HEMK2: variants seen among roughly 807,000 people sequenced by gnomAD.
The protein encoded by HEMK2 is methyltransferase HEMK2.
At chr21:28,715,961 C>A in the HEMK2 span, among the ~76,000 whole-genome samples, 1 of 152,164 alleles carries the variant, frequency 6.6e-6, no homozygotes, top group East Asian at 1.9e-4. Context: ...ACGCAGGAGG[C>A]TTTATTTCTG....
chr21:28,720,378 C>A, the HEMK2 span, among the ~76,000 whole-genome samples: 4 of 152,132 alleles, frequency 2.6e-5, no homozygotes, highest in Non-Finnish European at 4.4e-5. Flanking sequence ...ATCAACTGAA[C>A]TGCATCACAT....
the HEMK2 span, among the ~76,000 whole-genome samples, chr21:28,697,160 C>T: frequency 6.6e-6 from 1 of 152,182 alleles, no homozygotes; most frequent in Admixed American, 6.5e-5. Flanking sequence ...GCTTGAATTT[C>T]TCCCCCAGAA....
chr21:28,754,219 T>C, the HEMK2 span, among the ~76,000 whole-genome samples: 463 of 152,258 alleles, frequency 3.0e-3, 1 homozygote, highest in African/African-American at 0.011. Context: ...AAGAGAAGAA[T>C]GGAAGTGAAG....
chr21:28,815,250 G>A, the HEMK2 span, among the ~76,000 whole-genome samples: 30 of 139,850 alleles, frequency 2.1e-4, no homozygotes, highest in Non-Finnish European at 3.7e-4. Flanking sequence ...GGAGGGGGAA[G>A]GGATAGCATT....
chr21:28,619,491 G>A, the HEMK2 span, among the ~76,000 whole-genome samples: 281 of 152,292 alleles, frequency 1.8e-3, 4 homozygotes, highest in African/African-American at 6.4e-3. Flanking sequence ...TATAAAAGAT[G>A]ACATTTGTGA....
chr21:28,617,025 T>C, the HEMK2 span, among the ~76,000 whole-genome samples: 1 of 152,108 alleles, frequency 6.6e-6, no homozygotes, highest in Non-Finnish European at 1.5e-5. Flanking sequence ...AGACAATTAG[T>C]TGGTAAGGGA....
chr21:28,672,210 G>A, the HEMK2 span, among the ~76,000 whole-genome samples: 4 of 152,144 alleles, frequency 2.6e-5, no homozygotes, highest in South Asian at 6.2e-4. Flanking sequence ...CCTTTGCTGA[G>A]TCCTGTCCTC....
chr21:28,796,429 G>A, the HEMK2 span, among the ~76,000 whole-genome samples: 1 of 151,890 alleles, frequency 6.6e-6, no homozygotes, highest in African/African-American at 2.4e-5. Flanking sequence ...CGTGAGCCAC[G>A]ACACCCAGCC....
At chr21:28,661,075 C>T in the HEMK2 span, among the ~76,000 whole-genome samples, 2 of 152,056 alleles carry the variant, frequency 1.3e-5, no homozygotes, top group Non-Finnish European at 2.9e-5. Context: ...TGGTTATTTA[C>T]TGACATTATT....
chr21:28,682,293 A>G, the HEMK2 span, among the ~76,000 whole-genome samples: 1 of 152,240 alleles, frequency 6.6e-6, no homozygotes, highest in Non-Finnish European at 1.5e-5. Flanking sequence ...CAAAAGACAC[A>G]TGAAAAAATG....
At chr21:28,817,133 A>G in the HEMK2 span, among the ~76,000 whole-genome samples, 2 of 152,238 alleles carry the variant, frequency 1.3e-5, no homozygotes, top group Non-Finnish European at 2.9e-5. Context: ...GTCTGTAATC[A>G]CAACAGCAAC....
the HEMK2 span, among the ~76,000 whole-genome samples, chr21:28,865,763 T>G: frequency 6.7e-6 from 1 of 149,648 alleles, no homozygotes; most frequent in African/African-American, 2.5e-5. Flanking sequence ...TGAATCCCAT[T>G]CTCCTTTCTA....
At chr21:28,782,155 G>A in the HEMK2 span, among the ~76,000 whole-genome samples, 1 of 152,124 alleles carries the variant, frequency 6.6e-6, no homozygotes, top group Non-Finnish European at 1.5e-5. Context: ...CTTAATCTTT[G>A]CAGTGTGTTC....
At chr21:28,743,335 T>A in the HEMK2 span, 1 of 152,184 alleles carries the variant, frequency 6.6e-6, no homozygotes, top group Non-Finnish European at 1.5e-5. Flanking sequence ...GTACATTTGC[T>A]AGAGCTACTA....
chr21:28,701,746 G>A, the HEMK2 span, among the ~76,000 whole-genome samples: 1 of 152,030 alleles, frequency 6.6e-6, no homozygotes, highest in African/African-American at 2.4e-5. Flanking sequence ...CATTAAAATG[G>A]CCATATTGCC....
At chr21:28,839,575 G>C in the HEMK2 span, among the ~76,000 whole-genome samples, 3 of 152,052 alleles carry the variant, frequency 2.0e-5, no homozygotes, top group South Asian at 4.2e-4. Flanking sequence ...CATACACCAA[G>C]AGCAACCAAG....
chr21:28,808,645 G>A, the HEMK2 span, among the ~76,000 whole-genome samples: 4 of 152,040 alleles, frequency 2.6e-5, no homozygotes, highest in South Asian at 4.1e-4. Context: ...TATAAATGCA[G>A]TTGTTTTTAT....
At chr21:28,859,870 T>C in the HEMK2 span, among the ~76,000 whole-genome samples, 1 of 152,196 alleles carries the variant, frequency 6.6e-6, no homozygotes, top group Non-Finnish European at 1.5e-5. Flanking sequence ...GTTCATCCTT[T>C]TCCCCAATAT....
At chr21:28,782,871 T>C in the HEMK2 span, among the ~76,000 whole-genome samples, 1 of 152,252 alleles carries the variant, frequency 6.6e-6, no homozygotes, top group Non-Finnish European at 1.5e-5. Flanking sequence ...TCAGTGGTTA[T>C]ATCTCAATAA....
Sources: allele counts gnomAD v4.1 joint callset (sites outside exome capture counted in the v4.1 genomes callset), GRCh38; gene constraint gnomAD v4.1.1; transcripts MANE v1.5; gene names NCBI Gene and HGNC (gene_info 2026-07-23, HGNC 2026-07-21).